Variants in CHP1 observed in about 807,000 individuals in gnomAD.
CHP1 encodes the protein calcineurin B homologous protein 1.
CHP1 carries 11 observed loss-of-function variants against 27.4 expected under a neutral mutation model. The ratio of observed to expected loss-of-function variants is 0.40; its 90% CI spans 0.25 to 0.67. The LOEUF (loss-of-function observed/expected upper bound fraction) is 0.67. Among genes scored for constraint, CHP1 ranks in the 30% least tolerant of loss-of-function variants. CHP1 has a pLI of 0.38. For synonymous variants in CHP1, 89 were observed against 87.4 expected (o/e 1.02, Z -0.10); for missense variants, 169 against 251.3 (o/e 0.67, Z 2.22).
chr15:41,263,019 C>T (rs2047441288), intron 4 of CHP1, 136 bp downstream of exon 4: 11 of 1,175,214 alleles, frequency 9.4e-6, no homozygotes, highest in African/African-American at 1.5e-5. Context: ...GCTAAACTGG[C>T]CAAGATTAAA....
At position 41,256,896 on chromosome 15, in the gene CHP1, G is replaced by C. The variant is rs2047403207; in HGVS notation, c.141-14G>C. On this transcript the variant is annotated splice_polypyrimidine_tract_variant and intron_variant, in intron 2 of 6. Coordinates refer to ENST00000334660, the MANE Select transcript of CHP1 (RefSeq NM_007236.5). ...CAATGATCTCTATCTAACTCAAGGT[G>C]ATTCTCTTGGCAGCCGGGAAGATTT... The C allele has an allele frequency of 1.9e-6, 3 of 1,612,902 alleles. No individual in the cohort carries two copies. The highest frequency in any genetic ancestry group is 2.5e-6 in the Non-Finnish European group (3 of 1,178,972).
At chr15:41,263,476 A>T (rs142105613) in intron 4 of CHP1, among the ~76,000 whole-genome samples, 3 of 152,252 alleles carry the variant, frequency 2.0e-5, no homozygotes, top group African/African-American at 7.2e-5. Flanking sequence ...TTCTGCCCTT[A>T]TTGGTTCATG....
rs1238085303 is a variant in CHP1, at chr15:41,279,801, A to G, written c.*412A>G. The G allele has an allele frequency of 5.9e-6, 1 of 169,398 alleles. No homozygotes were observed. Among genetic ancestry groups the G allele is most frequent in the Non-Finnish European group, 1.3e-5 (1 of 79,800 alleles). The allele number at this position is 169,398 out of a possible 1,614,324, so 10.5% of individuals were successfully genotyped here. A position where few individuals can be genotyped will look rare whatever the true frequency, so the allele number is the denominator to read the frequency against. On this transcript the variant is annotated 3_prime_UTR_variant, in exon 7 of 7. Transcript: ENST00000334660. ...GCCAGCATGCTTCTTCATCCTTTTT[A>G]TATGTTCTTTGCTTCCTACTTCCCT...
chr15:41,279,256 G>A, intron 6 of CHP1, 80 bp from the exon 7 acceptor site: 1 of 1,173,432 alleles, frequency 8.5e-7, no homozygotes, highest in Non-Finnish European at 1.3e-6. Context: ...GAGGAAGGGG[G>A]GAAAACATTA....
intron 1 of CHP1, among the ~76,000 whole-genome samples, chr15:41,239,291 C>G (rs956463594): frequency 6.7e-6 from 1 of 150,232 alleles, no homozygotes. Flanking sequence ...CCACTGACTC[C>G]CATATAACCC....
At chr15:41,264,639 C>A (rs2047451245) in intron 4 of CHP1, among the ~76,000 whole-genome samples, 1 of 152,060 alleles carries the variant, frequency 6.6e-6, no homozygotes, top group South Asian at 2.1e-4. Flanking sequence ...GGGACAGGGT[C>A]TCACTATGTT....
intron 1 of CHP1, among the ~76,000 whole-genome samples, chr15:41,240,468 G>T (rs745348254): frequency 3.3e-5 from 5 of 152,126 alleles, no homozygotes; most frequent in African/African-American, 4.8e-5. Context: ...GATGATATAT[G>T]AAGAGCTGGG....
chr15:41,267,562 T>G (rs1297615984), intron 4 of CHP1, among the ~76,000 whole-genome samples: 1 of 151,282 alleles, frequency 6.6e-6, no homozygotes, highest in African/African-American at 2.4e-5. Context: ...CTCAGGAGGC[T>G]GAGACAGGAA....
intron 4 of CHP1, among the ~76,000 whole-genome samples, chr15:41,267,000 GA>G (rs924199173): frequency 6.2e-5 from 9 of 145,136 alleles, no homozygotes; most frequent in South Asian, 2.2e-4. Flanking sequence ...ACTCCATCTC[GA>G]AAAAAAAAAG....
chr15:41,231,371 C>G lies in CHP1; in HGVS notation c.-12C>G. On this transcript the variant is annotated 5_prime_UTR_variant, in exon 1 of 7. Transcript: ENST00000334660. ...TGGCGCCGCTGCTCCCGGAGGAGCT[C>G]CCGGCACGGCGATGGGTTCTCGGGC... 3.1e-6 allele frequency: 5 copies of G among 1,594,192 alleles called. No individual in the cohort carries two copies. The highest frequency in any genetic ancestry group is 4.3e-6 in the Non-Finnish European group (5 of 1,171,894).
intron 4 of CHP1, among the ~76,000 whole-genome samples, chr15:41,267,365 A>G (rs1003349231): frequency 2.0e-5 from 3 of 148,142 alleles, no homozygotes; most frequent in African/African-American, 2.5e-5. Flanking sequence ...TTACCACAAT[A>G]AAAAAAAAAG....
At chr15:41,231,504 A>G (rs2140917243) in intron 1 of CHP1, 55 bp downstream of exon 1, 5 of 1,534,688 alleles carry the variant, frequency 3.3e-6, no homozygotes, top group Non-Finnish European at 4.4e-6. Flanking sequence ...CCTCACAACC[A>G]AGGGCGGCTG....
intron 3 of CHP1, 23 bp from the exon 4 acceptor site, chr15:41,262,733 T>G (rs375132328): frequency 6.2e-7 from 1 of 1,611,068 alleles, no homozygotes; most frequent in Non-Finnish European, 8.5e-7. Flanking sequence ...CATGGTGTTG[T>G]GTTTGTTATA....
chr15:41,275,756 C>T (rs1567012743), intron 5 of CHP1, among the ~76,000 whole-genome samples: 1 of 151,994 alleles, frequency 6.6e-6, no homozygotes, highest in African/African-American at 2.4e-5. Context: ...GCTCTTGTTG[C>T]CCAGCCTGGA....
chr15:41,240,922 C>T (rs1312040668), intron 1 of CHP1, among the ~76,000 whole-genome samples: 4 of 150,998 alleles, frequency 2.6e-5, no homozygotes, highest in East Asian at 2.0e-4. Flanking sequence ...ACGTGATCTC[C>T]GCTCACTGCA....
intron 2 of CHP1, among the ~76,000 whole-genome samples, chr15:41,252,683 A>G (rs2047376011): frequency 6.6e-6 from 1 of 152,122 alleles, no homozygotes; most frequent in South Asian, 2.1e-4. Context: ...CTAACAGTCT[A>G]AAAACCCTGG....
intron 3 of CHP1, among the ~76,000 whole-genome samples, chr15:41,261,919 G>A (rs150438299): frequency 0.032 from 4,832 of 151,812 alleles, 119 homozygotes; most frequent in South Asian, 0.079. Context: ...TTGAACCAGG[G>A]AGGCGGAGGT....
chr15:41,236,641 C>A (rs946773946), intron 1 of CHP1, among the ~76,000 whole-genome samples: 1 of 152,062 alleles, frequency 6.6e-6, no homozygotes, highest in East Asian at 1.9e-4. Context: ...GATAATTGAC[C>A]CCAGCAGCAG....
At chr15:41,250,205 G>A (rs1191669478) in intron 2 of CHP1, among the ~76,000 whole-genome samples, 3 of 151,986 alleles carry the variant, frequency 2.0e-5, no homozygotes, top group African/African-American at 7.3e-5. Context: ...ATTTACCTGG[G>A]TGAATTGGGA....
Sources: gnomAD v4.1 joint callset for allele counts (sites outside exome capture counted in the v4.1 genomes callset) on GRCh38, gnomAD v4.1.1 for gene constraint, MANE v1.5 for transcripts, NCBI Gene and HGNC (gene_info 2026-07-23, HGNC 2026-07-21) for gene names.